Variants in BRWD1 observed in about 807,000 individuals in gnomAD.
BRWD1 encodes the protein bromodomain and WD repeat domain containing 1.
In BRWD1, 82 loss-of-function variants were observed where a neutral mutation model predicts 251.2. The observed-to-expected ratio is 0.33, with a 90% confidence interval of 0.27 to 0.39. The LOEUF is 0.39. BRWD1 is among the 10% of genes least tolerant of loss of function. BRWD1 has a pLI of 1.00. For synonymous variants in BRWD1, 918 were observed against 902.8 expected (o/e 1.02, Z -0.30); for missense variants, 2,233 against 2,711.6 (o/e 0.82, Z 3.92).
chr21:39,298,073 C>A, intron 5 of BRWD1: 1 of 991,688 alleles, frequency 1.0e-6, no homozygotes, highest in Non-Finnish European at 1.2e-6. Context: ...AAATGAAATA[C>A]CTCTAGCATT....
chr21:39,232,547 T>A, intron 23 of BRWD1, 49 bp from the exon 24 acceptor site: 2 of 1,556,614 alleles, frequency 1.3e-6, no homozygotes, highest in Non-Finnish European at 1.7e-6. Flanking sequence ...AGGGGCAGCA[T>A]GCACTGTCTG....
intron 4 of BRWD1, among the ~76,000 whole-genome samples, chr21:39,311,226 G>A (rs186123132): frequency 6.6e-6 from 1 of 152,106 alleles, no homozygotes; most frequent in Admixed American, 6.6e-5. Flanking sequence ...GGAATGCAGT[G>A]GCAGGAGGAT....
rs570551503 is a variant in BRWD1 at position 39,198,837 on chromosome 21, G to A, written c.5579C>T (p.Ser1860Phe). The change falls in exon 40 of 41, where the codon TCC becomes TTC. Residue 1860 changes from serine to phenylalanine, a missense_variant. Around this residue, in one of 12 missense-constraint regions of BRWD1, gnomAD observed 928 missense variants for 970.0 expected, o/e 0.96. Coordinates refer to ENST00000342449, the MANE Select transcript of BRWD1 (RefSeq NM_033656.4). ...ATCAGTTTCACATCCATGATCTGAG[G>A]AACACTGGGACATAGCAATAGGGTC... ...NCDPIAMSQCSSDHGCETDLD... is the reference protein window; with the variant it reads ...NCDPIAMSQCFSDHGCETDLD... 29 of 1,613,432 alleles carry A rather than the reference G, an allele frequency of 1.8e-5. No homozygotes were observed. The East Asian group carries it at 6.2e-4, about 35-fold the overall frequency.
At chr21:39,261,420 AG>A (rs1192815186) in intron 17 of BRWD1, among the ~76,000 whole-genome samples, 1 of 152,212 alleles carries the variant, frequency 6.6e-6, no homozygotes, top group African/African-American at 2.4e-5. Flanking sequence ...TACCTAGAAT[AG>A]TAAAAAGACA....
chr21:39,222,187 T>C (rs977282921), intron 29 of BRWD1, among the ~76,000 whole-genome samples: 4 of 152,076 alleles, frequency 2.6e-5, no homozygotes, highest in African/African-American at 7.2e-5. Context: ...AACCCAGCAA[T>C]GCCACTCCTA....
At chr21:39,307,590 A>C (rs1256008432) in intron 4 of BRWD1, among the ~76,000 whole-genome samples, 1 of 152,160 alleles carries the variant, frequency 6.6e-6, no homozygotes, top group Admixed American at 6.6e-5. Context: ...CTGGGAGGAG[A>C]CTGGTATTAC....
intron 29 of BRWD1, among the ~76,000 whole-genome samples, chr21:39,222,193 T>C (rs2033205913): frequency 6.6e-6 from 1 of 152,022 alleles, no homozygotes; most frequent in Non-Finnish European, 1.5e-5. Context: ...GCAATGCCAC[T>C]CCTACATATG....
chr21:39,259,756 G>C (rs1210420675), intron 17 of BRWD1, among the ~76,000 whole-genome samples: 1 of 152,142 alleles, frequency 6.6e-6, no homozygotes. Flanking sequence ...AGAATTGCCT[G>C]AACCCAGGAG....
chr21:39,211,085 T>G (rs569830853), intron 34 of BRWD1, among the ~76,000 whole-genome samples, 156 bp from the exon 35 acceptor site: 14 of 152,210 alleles, frequency 9.2e-5, no homozygotes, highest in Non-Finnish European at 1.9e-4. Flanking sequence ...AAACTATGCA[T>G]GAAACGTAAG....
chr21:39,214,849 GT>G (rs1463675159), intron 32 of BRWD1, among the ~76,000 whole-genome samples: 1 of 148,460 alleles, frequency 6.7e-6, no homozygotes, highest in Non-Finnish European at 1.5e-5. Flanking sequence ...ATAGTTCTGA[GT>G]AAAAAACAAA....
intron 27 of BRWD1, among the ~76,000 whole-genome samples, chr21:39,227,751 T>C (rs2836948): frequency 0.47 from 72,061 of 151,950 alleles, 17,251 homozygotes; most frequent in Admixed American, 0.54. Flanking sequence ...GGTAAAATAA[T>C]TGGGTATACC....
At chr21:39,283,930 T>G (rs984591108) in intron 8 of BRWD1, among the ~76,000 whole-genome samples, 3 of 152,218 alleles carry the variant, frequency 2.0e-5, no homozygotes, top group Admixed American at 2.0e-4. Flanking sequence ...TTTCTAAAAG[T>G]CTTCTTTGGC....
At chr21:39,215,508 A>G (rs966214744) in intron 31 of BRWD1, 146 bp from the exon 32 acceptor site, 1 of 687,998 alleles carries the variant, frequency 1.5e-6, no homozygotes, top group Non-Finnish European at 2.4e-6. Context: ...TAATGCTCTC[A>G]ACTTGATCAT....
At chr21:39,276,629 A>G (rs2035289727) in intron 11 of BRWD1, among the ~76,000 whole-genome samples, 1 of 152,202 alleles carries the variant, frequency 6.6e-6, no homozygotes, top group Admixed American at 6.5e-5. Flanking sequence ...CTGGATGTGG[A>G]CTGCCTTCCC....
intron 36 of BRWD1, among the ~76,000 whole-genome samples, chr21:39,208,211 GGTA>G (rs1387571311): frequency 1.3e-5 from 2 of 152,144 alleles, no homozygotes; most frequent in Non-Finnish European, 2.9e-5. Flanking sequence ...TGAACTGTAT[GGTA>G]TGTGTCCTCA....
In BRWD1 at chr21:39,210,916, T is replaced by C. The variant is rs757762458; in HGVS notation, c.3914A>G (p.Lys1305Arg). ...SSGRRRVHDG[K>R]KSIRATNYVE... ...ATAGTTCGTAGCTCTGATGCTTTTT[T>C]TCCCATCATGGACCTAAAAATACAT... The change falls in exon 35 of 41, where the codon AAA (lysine) becomes AGA (arginine). Residue 1305 changes from lysine (K) to arginine (R), a missense_variant. Around this residue, in one of 12 missense-constraint regions of BRWD1, gnomAD observed 167 missense variants for 183.2 expected, o/e 0.91. Transcript: ENST00000342449. 1.2e-6 allele frequency: 2 copies of C among 1,611,432 alleles called. No individual in the cohort carries two copies. Among genetic ancestry groups the C allele is most frequent in the Non-Finnish European group, 1.7e-6 (2 of 1,179,240 alleles).
intron 8 of BRWD1, among the ~76,000 whole-genome samples, chr21:39,283,529 T>C (rs2035538481): frequency 1.3e-5 from 2 of 152,240 alleles, no homozygotes; most frequent in South Asian, 4.1e-4. Context: ...TATTACTTCT[T>C]TATTGCTGGT....
intron 15 of BRWD1, among the ~76,000 whole-genome samples, chr21:39,266,151 A>G (rs76725913): frequency 0.017 from 2,651 of 152,280 alleles, 77 homozygotes; most frequent in African/African-American, 0.061. Context: ...CACTGCTTGA[A>G]TAGTGATACT....
upstream of BRWD1, chr21:39,314,539 A>G (rs1244856410): frequency 2.9e-6 from 1 of 350,760 alleles, no homozygotes; most frequent in African/African-American, 2.1e-5. Flanking sequence ...GACTAGTAGG[A>G]TGTGAGGTTG....
Sources: gnomAD v4.1 joint callset for allele counts (sites outside exome capture counted in the v4.1 genomes callset) on GRCh38, gnomAD v4.1.1 for gene constraint, gnomAD v4.1.1 regional missense constraint, MANE v1.5 for transcripts, NCBI Gene and HGNC (gene_info 2026-07-23, HGNC 2026-07-21) for gene names.